NXPE2: variants seen among roughly 807,000 people sequenced by gnomAD.
The protein encoded by NXPE2 is NXPE family member 2.
Under a neutral mutation model 34.4 loss-of-function variants are expected in NXPE2, and 34 were observed. That is an observed-to-expected ratio of 0.99 (90% CI 0.75 to 1.31). The LOEUF is 1.31. NXPE2 is among the 40% of genes most tolerant of loss of function. NXPE2 has a pLI of 0.00. For synonymous variants in NXPE2, 235 were observed against 231.3 expected (o/e 1.02, Z -0.15); for missense variants, 649 against 672.5 (o/e 0.97, Z 0.39).
the NXPE2 span, among the ~76,000 whole-genome samples, chr11:114,467,927 C>T: frequency 6.6e-6 from 1 of 151,470 alleles, no homozygotes; most frequent in African/African-American, 2.4e-5. Flanking sequence ...GAGAGAGACA[C>T]CCTATCTCAA....
At chr11:114,625,725 G>A in the NXPE2 span, among the ~76,000 whole-genome samples, 6 of 152,148 alleles carry the variant, frequency 3.9e-5, no homozygotes, top group African/African-American at 9.7e-5. Context: ...CATGAGCGAC[G>A]CAGAAGGCAG....
chr11:114,666,664 A>G, the NXPE2 span, among the ~76,000 whole-genome samples: 1 of 152,136 alleles, frequency 6.6e-6, no homozygotes, highest in Non-Finnish European at 1.5e-5. Flanking sequence ...TATCTGAAAT[A>G]TTATTCATGG....
the NXPE2 span, among the ~76,000 whole-genome samples, chr11:114,806,531 G>A: frequency 2.7e-4 from 41 of 152,320 alleles, no homozygotes; most frequent in South Asian, 1.0e-3. Context: ...ACCAAGGCAC[G>A]AGAGCTACAT....
chr11:114,505,045 G>A, the NXPE2 span, among the ~76,000 whole-genome samples: 1 of 152,182 alleles, frequency 6.6e-6, no homozygotes, highest in Non-Finnish European at 1.5e-5. Flanking sequence ...GAATGTAGCT[G>A]TCCTGATAGA....
the NXPE2 span, among the ~76,000 whole-genome samples, chr11:114,610,301 G>C: frequency 6.6e-6 from 1 of 150,982 alleles, no homozygotes. Flanking sequence ...GTGTTGCCTA[G>C]TGTGTAACCA....
chr11:114,798,182 T>G, the NXPE2 span, among the ~76,000 whole-genome samples: 47 of 152,326 alleles, frequency 3.1e-4, 1 homozygote, highest in East Asian at 9.0e-3. Flanking sequence ...CAAGCAATAT[T>G]TGAATCTTGT....
chr11:114,789,062 A>C, the NXPE2 span, among the ~76,000 whole-genome samples: 1 of 152,362 alleles, frequency 6.6e-6, no homozygotes, highest in South Asian at 2.1e-4. Flanking sequence ...GTCAATGAAC[A>C]AAATATTAAC....
At chr11:114,508,080 A>G in the NXPE2 span, among the ~76,000 whole-genome samples, 1 of 152,180 alleles carries the variant, frequency 6.6e-6, no homozygotes, top group East Asian at 1.9e-4. Context: ...AAAAATCACT[A>G]GCATTCCTAC....
the NXPE2 span, among the ~76,000 whole-genome samples, chr11:114,647,445 C>T: frequency 6.6e-6 from 1 of 152,050 alleles, no homozygotes; most frequent in East Asian, 1.9e-4. Flanking sequence ...CTATCTAGTG[C>T]TTATTTAAAG....
the NXPE2 span, among the ~76,000 whole-genome samples, chr11:114,551,800 G>A: frequency 6.6e-6 from 1 of 152,056 alleles, no homozygotes; most frequent in African/African-American, 2.4e-5. Context: ...GTGAGGAAGG[G>A]GGAAGAAGGA....
At chr11:114,796,820 C>A in the NXPE2 span, among the ~76,000 whole-genome samples, 2 of 152,104 alleles carry the variant, frequency 1.3e-5, no homozygotes, top group African/African-American at 4.8e-5. Context: ...GAGATGTGTA[C>A]CATTGGAATT....
At chr11:114,526,234 G>A in the NXPE2 span, among the ~76,000 whole-genome samples, 2 of 152,200 alleles carry the variant, frequency 1.3e-5, no homozygotes, top group African/African-American at 2.4e-5. Flanking sequence ...CTTGGGATTA[G>A]CTCAATGAGA....
chr11:114,603,195 C>A, the NXPE2 span, among the ~76,000 whole-genome samples: 283 of 147,984 alleles, frequency 1.9e-3, 1 homozygote, highest in African/African-American at 6.8e-3. Flanking sequence ...AGTATTGCCT[C>A]GTCTCCTAGG....
the NXPE2 span, among the ~76,000 whole-genome samples, chr11:114,808,567 T>A: frequency 1.3e-5 from 1 of 74,688 alleles, no homozygotes; most frequent in Non-Finnish European, 2.9e-5. Flanking sequence ...TACAAACATC[T>A]CTACGCAAAT....
the NXPE2 span, among the ~76,000 whole-genome samples, chr11:114,653,387 C>A: frequency 6.6e-6 from 1 of 152,224 alleles, no homozygotes; most frequent in East Asian, 1.9e-4. Flanking sequence ...AGACAATAAA[C>A]CATCTATTTT....
chr11:114,749,763 C>CG, the NXPE2 span, among the ~76,000 whole-genome samples: 3 of 152,156 alleles, frequency 2.0e-5, no homozygotes, highest in Non-Finnish European at 4.4e-5. Flanking sequence ...TCACACTGGC[C>CG]GTCACCTCTG....
the NXPE2 span, among the ~76,000 whole-genome samples, chr11:114,803,630 AC>A: frequency 1.3e-5 from 2 of 150,946 alleles, no homozygotes. Flanking sequence ...AGGCTGGAGC[AC>A]AGTGGCACAA....
the NXPE2 span, among the ~76,000 whole-genome samples, chr11:114,620,498 T>C: frequency 1.3e-5 from 2 of 151,722 alleles, no homozygotes; most frequent in Non-Finnish European, 3.0e-5. Context: ...GGATAATAAG[T>C]GTTGCCTCTA....
chr11:114,697,042 T>C (rs1429970843), intron 2 of NXPE2, among the ~76,000 whole-genome samples: 1 of 152,220 alleles, frequency 6.6e-6, no homozygotes, highest in African/African-American at 2.4e-5. Flanking sequence ...ATATGGCTTC[T>C]CTCTCTGTCT....
Sources: allele counts gnomAD v4.1 joint callset (sites outside exome capture counted in the v4.1 genomes callset), GRCh38; gene constraint gnomAD v4.1.1; transcripts MANE v1.5; gene names NCBI Gene and HGNC (gene_info 2026-07-23, HGNC 2026-07-21).